ANKRD30B: variants seen among roughly 807,000 people sequenced by gnomAD.
ANKRD30B encodes the protein ankyrin repeat domain-containing protein 30B.
In ANKRD30B, 144 loss-of-function variants were observed where a neutral mutation model predicts 202.2. That is an observed-to-expected ratio of 0.71 (90% CI 0.62 to 0.82). The LOEUF is 0.82. Ranked by LOEUF, ANKRD30B falls within the 40% of genes least tolerant of loss-of-function variation. The pLI, the probability that ANKRD30B is intolerant of heterozygous loss-of-function variation, is 0.00. For missense variants in ANKRD30B, 1,487 were observed against 1,669.1 expected, an observed-to-expected ratio of 0.89 and a Z score of 1.90; for synonymous variants, 508 against 561.3, an observed-to-expected ratio of 0.91 and a Z score of 1.34.
chr18:14,796,666 G>C (rs1968918864), intron 18 of ANKRD30B, among the ~76,000 whole-genome samples: 1 of 152,138 alleles, frequency 6.6e-6, no homozygotes, highest in Non-Finnish European at 1.5e-5. Context: ...ATGGGGCCTT[G>C]TCTTTGTTCC....
chr18:14,816,004 T>C (rs1598664445), intron 30 of ANKRD30B: 1 of 152,228 alleles, frequency 6.6e-6, no homozygotes, highest in African/African-American at 2.4e-5. Flanking sequence ...ACTGCTGAGA[T>C]GTCAGTTCTA....
intron 42 of ANKRD30B, 47 bp downstream of exon 42, chr18:14,852,467 G>C: frequency 6.7e-7 from 1 of 1,495,056 alleles, no homozygotes; most frequent in East Asian, 2.5e-5. Context: ...CTGAAAGAAA[G>C]TGGCCTTGGC....
In ANKRD30B at chr18:14,837,679, A is replaced by G. The variant is rs756407091; in HGVS notation, c.2988+3A>G. On this transcript the variant is annotated splice_donor_region_variant and intron_variant, in intron 36 of 43. Coordinates refer to ENST00000690538, the MANE Select transcript of ANKRD30B (RefSeq NM_001367607.2). ...CAAAATCAACTTCAGATTCTGAGGT[A>G]CTGTGTATTGTTGTTGTTGTTATTT... 2.5e-5 allele frequency: 39 copies of G among 1,536,458 alleles called. No individual in the cohort carries two copies. Among genetic ancestry groups the G allele is most frequent in the Non-Finnish European group, 3.4e-5 (39 of 1,144,162 alleles).
chr18:14,938,955 C>T, the ANKRD30B span, among the ~76,000 whole-genome samples: 1 of 152,176 alleles, frequency 6.6e-6, no homozygotes, highest in African/African-American at 2.4e-5. Flanking sequence ...GACAGAGGGA[C>T]CCCTCTAGAG....
chr18:14,897,373 G>A, the ANKRD30B span, among the ~76,000 whole-genome samples: 2 of 152,016 alleles, frequency 1.3e-5, no homozygotes, highest in African/African-American at 4.8e-5. Context: ...TAGAGACCCG[G>A]TTTTGCCATG....
At chr18:14,807,190 TG>T (rs1969576421) in intron 24 of ANKRD30B, among the ~76,000 whole-genome samples, 1 of 150,924 alleles carries the variant, frequency 6.6e-6, no homozygotes. Flanking sequence ...TATATTAAAG[TG>T]TGTCTTACTG....
At chr18:14,880,284 C>T in the ANKRD30B span, among the ~76,000 whole-genome samples, 1 of 152,062 alleles carries the variant, frequency 6.6e-6, no homozygotes, top group Non-Finnish European at 1.5e-5. Flanking sequence ...CTAACTATGG[C>T]CTTATTGTAC....
intron 26 of ANKRD30B, 44 bp downstream of exon 26, chr18:14,808,788 A>C: frequency 7.1e-7 from 1 of 1,409,890 alleles, no homozygotes; most frequent in Non-Finnish European, 9.5e-7. Flanking sequence ...TAAGAATATT[A>C]AACTATTTGA....
At chr18:14,792,594 C>G (rs114112854) in intron 16 of ANKRD30B, among the ~76,000 whole-genome samples, 51 of 151,758 alleles carry the variant, frequency 3.4e-4, no homozygotes, top group Admixed American at 3.3e-3. Flanking sequence ...GAATTCACTT[C>G]GGAAGCATTT....
At chr18:14,834,557 G>T (rs995868693) in intron 34 of ANKRD30B, among the ~76,000 whole-genome samples, 2 of 151,946 alleles carry the variant, frequency 1.3e-5, no homozygotes, top group African/African-American at 2.4e-5. Flanking sequence ...GCTAATAAAA[G>T]ATAGCTCAGG....
intron 8 of ANKRD30B, among the ~76,000 whole-genome samples, chr18:14,771,670 C>T (rs908560198): frequency 1.3e-5 from 2 of 152,250 alleles, no homozygotes; most frequent in African/African-American, 4.8e-5. Flanking sequence ...CAAAGAATGT[C>T]ATTTTCCAGT....
At chr18:14,841,965 T>A (rs549668491) in intron 37 of ANKRD30B, among the ~76,000 whole-genome samples, 2 of 152,332 alleles carry the variant, frequency 1.3e-5, no homozygotes, top group African/African-American at 4.8e-5. Flanking sequence ...ATTAGCTTTA[T>A]TTTTAATGAA....
chr18:14,782,622 C>T lies in ANKRD30B; in HGVS notation c.1570+8C>T, dbSNP rs751209967. The T allele has an allele frequency of 6.5e-7, 1 of 1,538,694 alleles. No homozygotes were observed. The highest frequency in any genetic ancestry group is 2.1e-5 in the Admixed American group (1 of 47,082). On this transcript the variant is annotated splice_region_variant and intron_variant, in intron 12 of 43. Coordinates refer to ENST00000690538, the MANE Select transcript of ANKRD30B (RefSeq NM_001367607.2). ...TAAATAGAGAAGTAGAAGGTAAGAACAACTTTTTATTTGAAAAGTCTTTTA... is the reference window on the plus strand; with the variant it reads ...TAAATAGAGAAGTAGAAGGTAAGAATAACTTTTTATTTGAAAAGTCTTTTA...
At chr18:14,820,348 C>A (rs1300008847) in intron 30 of ANKRD30B, among the ~76,000 whole-genome samples, 2 of 152,122 alleles carry the variant, frequency 1.3e-5, no homozygotes, top group African/African-American at 4.8e-5. Context: ...ATTAAATACC[C>A]TTTATTTCCT....
chr18:14,820,365 G>T (rs1970351718), intron 30 of ANKRD30B, among the ~76,000 whole-genome samples: 1 of 152,082 alleles, frequency 6.6e-6, no homozygotes. Context: ...TCCTTCTCCT[G>T]CCTCATTGCC....
chr18:14,847,599 A>G (rs557619589), intron 39 of ANKRD30B, among the ~76,000 whole-genome samples: 1 of 145,012 alleles, frequency 6.9e-6, no homozygotes, highest in East Asian at 2.0e-4. Flanking sequence ...TAGAAGTGCA[A>G]TTTAGTTTTT....
At position 14,760,618 on chromosome 18, in the gene ANKRD30B, G is replaced by T; in HGVS notation, c.820G>T (p.Glu274Ter). 6.5e-7 allele frequency: 1 copy of T among 1,532,762 alleles called. No individual in the cohort carries two copies. The highest frequency in any genetic ancestry group is 8.8e-7 in the Non-Finnish European group (1 of 1,137,084). 94.9% of individuals were successfully genotyped at this position (1,532,762 alleles called of 1,614,324 possible). Residue 274 changes from glutamate to a stop codon, truncating the protein, a stop_gained and splice_region_variant, in exon 6 of 44, where the codon GAA (glutamate) becomes TAA (stop). Coordinates refer to ENST00000690538, the MANE Select transcript of ANKRD30B (RefSeq NM_001367607.2). LOFTEE classifies it high-confidence loss of function. ...LPKNPQNTNPEGTSTGTPDEA... is the reference protein window; with the variant it reads ...LPKNPQNTNP ...TAAAAATCCTCAAAATACCAATCCA[G>T]GTAAGACTTCGGATAGCAAACTACT...
chr18:14,912,890 G>T, the ANKRD30B span, among the ~76,000 whole-genome samples: 1 of 152,346 alleles, frequency 6.6e-6, no homozygotes, highest in South Asian at 2.1e-4. Context: ...TGTGATGCAT[G>T]AAAGAAAAGC....
the ANKRD30B span, among the ~76,000 whole-genome samples, chr18:14,915,884 TA>T: frequency 1.3e-5 from 2 of 152,164 alleles, no homozygotes; most frequent in Non-Finnish European, 2.9e-5. Context: ...ATTATTCGAA[TA>T]AAAAACATGG....
Sources: allele counts gnomAD v4.1 joint callset (sites outside exome capture counted in the v4.1 genomes callset), GRCh38; gene constraint gnomAD v4.1.1; transcripts MANE v1.5; gene names NCBI Gene and HGNC (gene_info 2026-07-23, HGNC 2026-07-21).